Variants in GTF2B observed in about 807,000 individuals in gnomAD.
GTF2B encodes general transcription factor IIB.
In GTF2B, 20 loss-of-function variants were observed where a neutral mutation model predicts 34.6. The observed-to-expected ratio is 0.58, with a 90% confidence interval of 0.41 to 0.84. The LOEUF (loss-of-function observed/expected upper bound fraction) is 0.84, where lower values mean the gene tolerates loss of function less well. GTF2B is among the 40% of genes least tolerant of loss of function. The pLI, the probability that GTF2B is intolerant of heterozygous loss-of-function variation, is 0.00. For synonymous variants in GTF2B, 142 were observed against 132.4 expected (o/e 1.07, Z -0.50); for missense variants, 237 against 393.3 (o/e 0.60, Z 3.36).
chr1:88,857,495 A>G lies in GTF2B; in HGVS notation c.536-8T>C. On this transcript the variant is annotated splice_polypyrimidine_tract_variant and splice_region_variant and intron_variant, in intron 5 of 6. Coordinates refer to ENST00000370500, the MANE Select transcript of GTF2B (RefSeq NM_001514.6). ...GTGATACGGCACATATTTCTAAAAG[A>G]AAAAAAATTAAATAAATCAATTCAC... 1 of 1,437,718 alleles carries G rather than the reference A, an allele frequency of 7.0e-7. No individual in the cohort carries two copies. Among genetic ancestry groups the G allele is most frequent in the Non-Finnish European group, 9.7e-7 (1 of 1,029,950 alleles). The allele number at this position is 1,437,718 out of a possible 1,614,324, so 89.1% of individuals were successfully genotyped here. A position where few individuals can be genotyped will look rare whatever the true frequency, so the allele number is the denominator to read the frequency against.
At chr1:88,863,150 C>T (rs1159820265) in intron 3 of GTF2B, among the ~76,000 whole-genome samples, 2 of 152,072 alleles carry the variant, frequency 1.3e-5, no homozygotes, top group African/African-American at 4.8e-5. Context: ...ACTGAGCACA[C>T]AGTATACAAT....
intron 6 of GTF2B, among the ~76,000 whole-genome samples, chr1:88,854,504 ATTTATTTATT>A (rs1673258019): frequency 6.6e-6 from 1 of 152,118 alleles, no homozygotes; most frequent in Non-Finnish European, 1.5e-5. Context: ...TTTAAGCATC[ATTTATTTATT>A]TATTTAGAGA....
chr1:88,879,331 C>G (rs903059792), intron 2 of GTF2B, among the ~76,000 whole-genome samples: 1 of 152,112 alleles, frequency 6.6e-6, no homozygotes, highest in African/African-American at 2.4e-5. Flanking sequence ...GTAATCCCAG[C>G]ACTTTGGGAA....
At chr1:88,869,861 G>C (rs1432847954) in intron 2 of GTF2B, among the ~76,000 whole-genome samples, 1 of 151,948 alleles carries the variant, frequency 6.6e-6, no homozygotes, top group African/African-American at 2.4e-5. Flanking sequence ...CCGACCTTGT[G>C]ATCCGTCCGC....
At chr1:88,880,210 C>T (rs997750247) in intron 2 of GTF2B, among the ~76,000 whole-genome samples, 1 of 151,998 alleles carries the variant, frequency 6.6e-6, no homozygotes, top group African/African-American at 2.4e-5. Flanking sequence ...ATCATGTATA[C>T]CAAGATAATT....
At chr1:88,861,715 T>A (rs1673445009) in intron 3 of GTF2B, among the ~76,000 whole-genome samples, 1 of 151,640 alleles carries the variant, frequency 6.6e-6, no homozygotes, top group Non-Finnish European at 1.5e-5. Flanking sequence ...GCCTGTGGTC[T>A]CAGCTACTCA....
chr1:88,869,128 AT>A (rs139893757), intron 2 of GTF2B, among the ~76,000 whole-genome samples: 13,589 of 152,174 alleles, frequency 0.089, 1,420 homozygotes, highest in African/African-American at 0.25. Context: ...ATGTACAGAC[AT>A]TTTTTTCTTG....
rs1000853224 is a variant in GTF2B, at chr1:88,870,708, T to C, written c.125-6594A>G. ...ATGCTTAACTTTCATTTATATTTTA[T>C]ATCTAAAGCACTAGTCAAAACTTTC... On this transcript the variant is annotated intron_variant, in intron 2 of 6. Coordinates refer to ENST00000370500, the MANE Select transcript of GTF2B (RefSeq NM_001514.6). Among the ~76,000 whole-genome samples, 3 of 152,204 alleles carry C rather than the reference T, an allele frequency of 2.0e-5. No homozygotes were observed. The East Asian group carries it at 5.8e-4, about 29-fold the overall frequency.
intron 1 of GTF2B, 152 bp from the exon 2 acceptor site, chr1:88,887,519 C>T (rs1216712075): frequency 1.7e-6 from 1 of 598,032 alleles, no homozygotes; most frequent in Non-Finnish European, 3.0e-6. Context: ...AGTAAACATC[C>T]CAGTTAGGTT....
At chr1:88,872,216 G>A (rs1238062749) in intron 2 of GTF2B, among the ~76,000 whole-genome samples, 1 of 151,926 alleles carries the variant, frequency 6.6e-6, no homozygotes, top group African/African-American at 2.4e-5. Context: ...CACTTTGGGA[G>A]GCCAAGGTGG....
At chr1:88,854,131 C>T (rs1458779096) in intron 6 of GTF2B, among the ~76,000 whole-genome samples, 1 of 152,062 alleles carries the variant, frequency 6.6e-6, no homozygotes, top group Non-Finnish European at 1.5e-5. Flanking sequence ...TAAAGAAATT[C>T]ACTTTATATT....
intron 6 of GTF2B, among the ~76,000 whole-genome samples, chr1:88,856,849 T>C (rs930217794): frequency 2.7e-5 from 4 of 149,868 alleles, no homozygotes; most frequent in Non-Finnish European, 4.4e-5. Context: ...TTGCCCAGGC[T>C]GGAGTGCAAT....
chr1:88,876,980 G>T (rs1027340518), intron 2 of GTF2B, among the ~76,000 whole-genome samples: 1 of 152,154 alleles, frequency 6.6e-6, no homozygotes, highest in Non-Finnish European at 1.5e-5. Context: ...TGCAGTGTAG[G>T]TGTGAAGACA....
intron 3 of GTF2B, among the ~76,000 whole-genome samples, chr1:88,860,919 A>T (rs1219049085): frequency 6.6e-6 from 1 of 152,200 alleles, no homozygotes. Flanking sequence ...TGTAACACTG[A>T]TTGGAAAAAC....
intron 1 of GTF2B, among the ~76,000 whole-genome samples, chr1:88,889,581 G>A (rs1674152880): frequency 6.6e-6 from 1 of 152,236 alleles, no homozygotes; most frequent in African/African-American, 2.4e-5. Flanking sequence ...CTCAGAGAAT[G>A]ATTTGCCTGA....
Position 88,864,019 on chromosome 1 carries a change from G to A in GTF2B, c.220C>T (p.Leu74Phe), listed in dbSNP as rs375702396. The A allele has an allele frequency of 6.9e-5, 111 of 1,612,414 alleles. 1 individual carries two copies. Among genetic ancestry groups the A allele is most frequent in the Non-Finnish European group, 7.5e-5 (88 of 1,178,526 alleles). Residue 74 changes from leucine to phenylalanine, a missense_variant, in exon 3 of 7, where the codon CTT (leucine) becomes TTT (phenylalanine). Physicochemically the swap from Leu to Phe is conservative, Grantham distance 22. Transcript: ENST00000370500. ...GTAGACAAATCTCCATCACTCAGAA[G>A]AGGATTCTGAGAATCTCCAACTCGA... is the stretch of plus-strand genomic sequence containing the variant. The part of the protein sequence containing the change: ...PSRVGDSQNP[L>F]LSDGDLSTMI...
intron 2 of GTF2B, among the ~76,000 whole-genome samples, chr1:88,866,118 T>C (rs932840946): frequency 2.6e-5 from 4 of 152,132 alleles, no homozygotes; most frequent in Non-Finnish European, 2.9e-5. Flanking sequence ...TCTTAGCACT[T>C]TGGGAGGCTT....
intron 2 of GTF2B, among the ~76,000 whole-genome samples, chr1:88,872,279 C>G (rs1206082268): frequency 6.6e-6 from 1 of 151,204 alleles, no homozygotes; most frequent in African/African-American, 2.4e-5. Flanking sequence ...CATAGTGAAA[C>G]CCGGTCTCTA....
At chr1:88,865,281 A>G (rs1192782185) in intron 2 of GTF2B, among the ~76,000 whole-genome samples, 3 of 152,366 alleles carry the variant, frequency 2.0e-5, no homozygotes, top group East Asian at 3.9e-4. Flanking sequence ...CTATTATAAT[A>G]CCCATGTACA....
Sources: gnomAD v4.1 joint callset for allele counts (sites outside exome capture counted in the v4.1 genomes callset) on GRCh38, gnomAD v4.1.1 for gene constraint, MANE v1.5 for transcripts, NCBI Gene and HGNC (gene_info 2026-07-23, HGNC 2026-07-21) for gene names.